The following PIEZO2 variants were observed in gnomAD, a reference collection of about 807,000 sequenced individuals.
PIEZO2 encodes piezo type mechanosensitive ion channel component 2.
In PIEZO2, 172 loss-of-function variants were observed where a neutral mutation model predicts 337.3. The observed-to-expected ratio is 0.51, with a 90% CI of 0.45 to 0.58. The LOEUF is 0.58. Ranked by LOEUF, PIEZO2 falls within the 20% of genes least tolerant of loss-of-function variation. The pLI, the probability that PIEZO2 is intolerant of heterozygous loss-of-function variation, is 0.00. For synonymous variants in PIEZO2, 1,251 were observed against 1,228.5 expected, an observed-to-expected ratio of 1.02 and a Z score of -0.38; for missense variants, 3,028 against 3,391.3, an observed-to-expected ratio of 0.89 and a Z score of 2.66.
chr18:11,027,860 T>C lies in PIEZO2; in HGVS notation c.160+38267A>G, dbSNP rs2036590002. On this transcript the variant is annotated intron_variant, in intron 2 of 55. Coordinates refer to ENST00000674853, the MANE Select transcript of PIEZO2 (RefSeq NM_001378183.1). The surrounding 1 kb of genome is among the most constrained non-coding windows in gnomAD (Gnocchi z 4.2). ...GGTTTTTCCATTTGAGAGTTTCATGTTGTTTTGCTTTTAACAGCAAAGTAA... is the reference window on the plus strand; with the variant it reads ...GGTTTTTCCATTTGAGAGTTTCATGCTGTTTTGCTTTTAACAGCAAAGTAA... Among the ~76,000 whole-genome samples, 1 of 152,246 alleles carries C rather than the reference T, an allele frequency of 6.6e-6. No individual in the cohort carries two copies. The highest frequency in any genetic ancestry group is 1.5e-5 in the Non-Finnish European group (1 of 68,038).
At position 10,929,490 on chromosome 18, in the gene PIEZO2, A is replaced by G. The variant is rs2031954867; in HGVS notation, c.287-18262T>C. 6.6e-6 allele frequency among the ~76,000 whole-genome samples: 1 copy of G among 152,218 alleles called. No individual in the cohort carries two copies. Among genetic ancestry groups the G allele is most frequent in the South Asian group, 2.1e-4 (1 of 4,832 alleles). On this transcript the variant is annotated intron_variant, in intron 3 of 55. Transcript: ENST00000674853. The surrounding 1 kb of genome is among the most constrained non-coding windows in gnomAD (Gnocchi z 5.6). ...TGCTTTTGCCAGTTGCTTGCTGTAA[A>G]CAAAAATTTTGCATTTCAAAAGTTG...
chr18:11,052,741 C>T (rs1010799689), intron 2 of PIEZO2, among the ~76,000 whole-genome samples: 4 of 152,134 alleles, frequency 2.6e-5, no homozygotes, highest in Admixed American at 1.3e-4. Context: ...AACAATCCTT[C>T]AATTAATATT....
rs1265837066 is a variant in PIEZO2 at position 10,775,575 on chromosome 18, G to A, written c.2535-1537C>T. Among the ~76,000 whole-genome samples the A allele has an allele frequency of 6.6e-6, 1 of 152,212 alleles. No homozygotes were observed. The highest frequency in any genetic ancestry group is 1.9e-4 in the East Asian group (1 of 5,190). ...TCTAACAATTACTGCTATTAACAGAGTGAAACTCAAAGAGGGGAGGCTGTT... is the reference window on the plus strand; with the variant it reads ...TCTAACAATTACTGCTATTAACAGAATGAAACTCAAAGAGGGGAGGCTGTT... On this transcript the variant is annotated intron_variant, in intron 18 of 55. Coordinates refer to ENST00000674853, the MANE Select transcript of PIEZO2 (RefSeq NM_001378183.1). This position sits in a 1 kb window ranked among gnomAD's most constrained non-coding sequence, Gnocchi z 4.3.
chr18:11,084,176 C>CAAAAA (rs1161713844), intron 1 of PIEZO2, among the ~76,000 whole-genome samples: 13 of 64,754 alleles, frequency 2.0e-4, no homozygotes, highest in Non-Finnish European at 2.6e-4. Context: ...AACTCTGTCT[C>CAAAAA]AAAAAAAAAA....
At chr18:10,788,504 A>AG (rs11375695) in intron 15 of PIEZO2, among the ~76,000 whole-genome samples, 41,266 of 101,582 alleles carry the variant, frequency 0.41, 5,971 homozygotes, top group East Asian at 0.54. Flanking sequence ...TCAATTTTAC[A>AG]GATTTTTTTT....
rs970242945 is a variant in PIEZO2 at position 11,148,747 on chromosome 18, G to C, written c.-159C>G. 5.6e-6 allele frequency: 4 copies of C among 712,450 alleles called. No individual in the cohort carries two copies. Among genetic ancestry groups the C allele is most frequent in the Non-Finnish European group, 9.1e-6 (4 of 441,182 alleles). The allele number at this position is 712,450 out of a possible 1,614,324, so 44.1% of individuals were successfully genotyped here. ...GGGCCGCGACGCTCTCCGCCCCGAG[G>C]GCACGCTCCCGGGGCTCTTGGCCGC... is the stretch of plus-strand genomic sequence containing the variant. On this transcript the variant is annotated 5_prime_UTR_variant, in exon 1 of 56. Transcript: ENST00000674853. The surrounding 1 kb of genome is among the most constrained non-coding windows in gnomAD (Gnocchi z 5.2).
In PIEZO2 at chr18:10,888,990, T is replaced by C. The variant is rs2042683665; in HGVS notation, c.330-17575A>G. Among the ~76,000 whole-genome samples, 1 of 152,140 alleles carries C rather than the reference T, an allele frequency of 6.6e-6. No homozygotes were observed. Among genetic ancestry groups the C allele is most frequent in the South Asian group, 2.1e-4 (1 of 4,822 alleles). ...TCATGATCCTAATGTGCACACTTTGTGGATACCAAAATCTCAATTCTTGAT... is the reference window on the plus strand; with the variant it reads ...TCATGATCCTAATGTGCACACTTTGCGGATACCAAAATCTCAATTCTTGAT... On this transcript the variant is annotated intron_variant, in intron 4 of 55. Transcript: ENST00000674853. The surrounding 1 kb of genome is among the most constrained non-coding windows in gnomAD (Gnocchi z 4.1).
rs147641839 is a variant in PIEZO2, at chr18:10,677,765, T to C, written c.8063A>G (p.Glu2688Gly). ...IAKMIAGNST[E>G]SSKTPVTIEK... ...CACTTACACTGGTGTTTTTGAACTT[T>C]CTGTGCTGTTGCCTGCTATCATTTT... Residue 2688 changes from glutamate (E) to glycine (G), a missense_variant, in exon 53 of 56, where the codon GAA becomes GGA. Coordinates refer to ENST00000674853, the MANE Select transcript of PIEZO2 (RefSeq NM_001378183.1). The surrounding 1 kb of genome is among the most constrained non-coding windows in gnomAD (Gnocchi z 4.1). 395 of 1,610,752 alleles carry C rather than the reference T, an allele frequency of 2.5e-4. No homozygotes were observed. Among genetic ancestry groups the C allele is most frequent in the Non-Finnish European group, 3.2e-4 (381 of 1,179,320 alleles).
chr18:10,851,119 T>C (rs978245007), intron 7 of PIEZO2, among the ~76,000 whole-genome samples: 3 of 150,796 alleles, frequency 2.0e-5, no homozygotes, highest in Admixed American at 1.3e-4. Context: ...TGTTTCCTTC[T>C]TTCTCTTTTT....
chr18:10,706,129 A>C (rs2035576379), intron 40 of PIEZO2, among the ~76,000 whole-genome samples: 1 of 152,122 alleles, frequency 6.6e-6, no homozygotes, highest in African/African-American at 2.4e-5. Flanking sequence ...GCATCTCTGG[A>C]GGGCAGAAGC....
Position 10,919,045 on chromosome 18 carries a change from T to C in PIEZO2, c.287-7817A>G, listed in dbSNP as rs540698026. On this transcript the variant is annotated intron_variant, in intron 3 of 55. Transcript: ENST00000674853. Reference sequence around the variant, plus strand: ...AATTTATTCAAATATATGTGCTCAATTGAATTTTTTTAACACAGAGTTGAG... The same window carrying C: ...AATTTATTCAAATATATGTGCTCAACTGAATTTTTTTAACACAGAGTTGAG... Among the ~76,000 whole-genome samples, 17 of 152,212 alleles carry C rather than the reference T, an allele frequency of 1.1e-4. No individual in the cohort carries two copies. In the South Asian group the frequency reaches 3.5e-3, roughly 32 times the overall value.
rs1258875666 is a variant in PIEZO2, at chr18:10,846,966, T to G, written c.917+8387A>C. Among the ~76,000 whole-genome samples, 1 of 152,204 alleles carries G rather than the reference T, an allele frequency of 6.6e-6. No homozygotes were observed. Among genetic ancestry groups the G allele is most frequent in the Non-Finnish European group, 1.5e-5 (1 of 68,026 alleles). ...CAATAAAAATCAGTAGCACTTGATA[T>G]GCTCTCTCCTGCTTACTACACCCAC... is the stretch of plus-strand genomic sequence containing the variant. On this transcript the variant is annotated intron_variant, in intron 7 of 55. Transcript: ENST00000674853. The surrounding 1 kb of genome is among the most constrained non-coding windows in gnomAD (Gnocchi z 4.1).
At position 10,969,228 on chromosome 18, in the gene PIEZO2, C is replaced by T. The variant is rs138313256; in HGVS notation, c.286+10307G>A. Among the ~76,000 whole-genome samples the T allele has an allele frequency of 1.0e-3, 159 of 152,240 alleles. No individual in the cohort carries two copies. Among genetic ancestry groups the T allele is most frequent in the African/African-American group, 3.4e-3 (143 of 41,542 alleles). ...TTTACTTCCATACCACACGGACTTG[C>T]GTTAGTGCTTTTATTGTAAATAATT... is the stretch of plus-strand genomic sequence containing the variant. On this transcript the variant is annotated intron_variant, in intron 3 of 55. Transcript: ENST00000674853. This position sits in a 1 kb window ranked among gnomAD's most constrained non-coding sequence, Gnocchi z 4.5.
At position 10,794,159 on chromosome 18, in the gene PIEZO2, C is replaced by G. The variant is rs1400440704; in HGVS notation, c.1758+613G>C. Among the ~76,000 whole-genome samples the G allele has an allele frequency of 1.3e-5, 2 of 152,070 alleles. No individual in the cohort carries two copies. Among genetic ancestry groups the G allele is most frequent in the African/African-American group, 4.8e-5 (2 of 41,396 alleles). ...TTAGTCTGCCATTCTGTTAACAAAA[C>G]AAACAGTAAGTTGGGAAACCTAATC... On this transcript the variant is annotated intron_variant, in intron 13 of 55. Transcript: ENST00000674853. This position sits in a 1 kb window ranked among gnomAD's most constrained non-coding sequence, Gnocchi z 6.6.
At chr18:11,059,233 C>CT (rs2037847281) in intron 2 of PIEZO2, among the ~76,000 whole-genome samples, 1 of 51,628 alleles carries the variant, frequency 1.9e-5, no homozygotes, top group Admixed American at 3.4e-4. Flanking sequence ...ACCAGGCCTA[C>CT]CCTACAAGAG....
rs1383253774 is a variant in PIEZO2 at position 11,110,713 on chromosome 18, C to T, written c.64+37812G>A. Among the ~76,000 whole-genome samples, 2 of 152,054 alleles carry T rather than the reference C, an allele frequency of 1.3e-5. No individual in the cohort carries two copies. The highest frequency in any genetic ancestry group is 2.1e-4 in the South Asian group (1 of 4,806). On this transcript the variant is annotated intron_variant, in intron 1 of 55. Transcript: ENST00000674853. This position sits in a 1 kb window ranked among gnomAD's most constrained non-coding sequence, Gnocchi z 4.2. ...CCGCCCCTCCCCGCCCCGGCCCGCCCGCCCCGGGTCTTGTGCTTCCTGCCT... is the reference window on the plus strand; with the variant it reads ...CCGCCCCTCCCCGCCCCGGCCCGCCTGCCCCGGGTCTTGTGCTTCCTGCCT...
intron 20 of PIEZO2, among the ~76,000 whole-genome samples, chr18:10,772,215 A>T (rs955571922): frequency 6.6e-6 from 1 of 152,190 alleles, no homozygotes; most frequent in Admixed American, 6.5e-5. Flanking sequence ...GAGTCTTAGA[A>T]CATGTCCCCC....
At chr18:11,098,743 A>G (rs1322056752) in intron 1 of PIEZO2, among the ~76,000 whole-genome samples, 2 of 151,834 alleles carry the variant, frequency 1.3e-5, no homozygotes, top group Non-Finnish European at 2.9e-5. Context: ...TTACTATATC[A>G]GTACATACGT....
At chr18:10,992,495 C>T (rs918415021) in intron 2 of PIEZO2, among the ~76,000 whole-genome samples, 1 of 152,200 alleles carries the variant, frequency 6.6e-6, no homozygotes, top group African/African-American at 2.4e-5. Context: ...AGAATCCCTT[C>T]CCCATTGCTT....
Sources: allele counts gnomAD v4.1 joint callset (sites outside exome capture counted in the v4.1 genomes callset), GRCh38; gene constraint gnomAD v4.1.1; non-coding constraint Gnocchi (gnomAD v3.1); transcripts MANE v1.5; gene names NCBI Gene and HGNC (gene_info 2026-07-23, HGNC 2026-07-21).